NR2C1: variants seen among roughly 807,000 people sequenced by gnomAD.
NR2C1 encodes the protein TR2 nuclear hormone receptor.
A neutral mutation model predicts 74.8 loss-of-function variants in NR2C1; 33 were observed. That is an observed-to-expected ratio of 0.44 (90% CI 0.33 to 0.59). The LOEUF is 0.59. Among genes scored for constraint, NR2C1 ranks in the 20% least tolerant of loss-of-function variants. The pLI, the probability that NR2C1 is intolerant of heterozygous loss-of-function variation, is 0.02. For synonymous variants in NR2C1, 225 were observed against 240.6 expected, an observed-to-expected ratio of 0.94 and a Z score of 0.60; for missense variants, 568 against 715.6, an observed-to-expected ratio of 0.79 and a Z score of 2.35.
At position 95,060,010 on chromosome 12, in the gene NR2C1, A is replaced by G. The variant is rs75382855; in HGVS notation, c.286-26T>C. On this transcript the variant is annotated intron_variant, in intron 3 of 13. Coordinates refer to ENST00000333003, the MANE Select transcript of NR2C1 (RefSeq NM_003297.4). ...CTAAAAAAAAAAAAAAAAAAAAAGA[A>G]AACAAAAACGAAAACCTGTTGTTAC... 3.7e-3 allele frequency: 5,577 copies of G among 1,504,954 alleles called. 160 individuals are homozygous for G. In the African/African-American group the frequency reaches 0.066, roughly 18 times the overall value. The allele number at this position is 1,504,954 out of a possible 1,614,324, so 93.2% of individuals were successfully genotyped here.
At chr12:95,039,673 G>A (rs1183422373) in intron 10 of NR2C1, among the ~76,000 whole-genome samples, 1 of 152,230 alleles carries the variant, frequency 6.6e-6, no homozygotes, top group African/African-American at 2.4e-5. Context: ...TCCGTCCCAG[G>A]CCGGAGTGCA....
intron 9 of NR2C1, among the ~76,000 whole-genome samples, chr12:95,044,659 G>A (rs577203053): frequency 1.3e-5 from 2 of 152,216 alleles, no homozygotes; most frequent in African/African-American, 4.8e-5. Context: ...GCCGAGGTGG[G>A]CGGATCATTG....
chr12:95,038,714 C>T (rs550293889), intron 10 of NR2C1, among the ~76,000 whole-genome samples: 2 of 152,296 alleles, frequency 1.3e-5, no homozygotes, highest in South Asian at 2.1e-4. Flanking sequence ...GCCGAGATCA[C>T]GCTACTGCAA....
intron 12 of NR2C1, among the ~76,000 whole-genome samples, chr12:95,027,474 C>G (rs1296873196): frequency 2.0e-5 from 3 of 152,170 alleles, no homozygotes; most frequent in Non-Finnish European, 4.4e-5. Context: ...GGGTGGTTCA[C>G]TCCTGTAATC....
intron 9 of NR2C1, among the ~76,000 whole-genome samples, chr12:95,046,076 G>A (rs868036674): frequency 1.3e-5 from 2 of 152,138 alleles, no homozygotes; most frequent in Non-Finnish European, 2.9e-5. Flanking sequence ...CTGACCTCAG[G>A]TGATCTGCCT....
At chr12:95,040,648 A>C in intron 9 of NR2C1, 51 bp from the exon 10 acceptor site, 1 of 1,526,446 alleles carries the variant, frequency 6.6e-7, no homozygotes. Context: ...AAAAGTTCTA[A>C]ATTATCATTT....
In NR2C1 at chr12:95,044,615, T is replaced by C. The variant is rs566962840; in HGVS notation, c.1132-4018A>G. On this transcript the variant is annotated intron_variant, in intron 9 of 13. Transcript: ENST00000333003. ...AAAATCACTGGATGGCCGGGTGTGA[T>C]GGCTCACGCTTATAATCCCAGCACT... 4.6e-5 allele frequency among the ~76,000 whole-genome samples: 7 copies of C among 152,260 alleles called. No homozygotes were observed. In the East Asian group the frequency reaches 1.4e-3, roughly 29 times the overall value.
At chr12:95,068,678 C>T (rs1876105835) in intron 1 of NR2C1, among the ~76,000 whole-genome samples, 1 of 152,016 alleles carries the variant, frequency 6.6e-6, no homozygotes, top group African/African-American at 2.4e-5. Context: ...CCTGTAATCC[C>T]AGCTACTCAG....
intron 13 of NR2C1, 131 bp from the exon 14 acceptor site, chr12:95,022,534 A>T: frequency 1.3e-6 from 1 of 775,962 alleles, no homozygotes; most frequent in Non-Finnish European, 2.1e-6. Flanking sequence ...TAAAATCAAA[A>T]CTTTAGTATT....
intron 9 of NR2C1, among the ~76,000 whole-genome samples, chr12:95,041,486 C>T (rs776350528): frequency 6.6e-6 from 1 of 151,130 alleles, no homozygotes; most frequent in African/African-American, 2.4e-5. Flanking sequence ...CATCTCAAAA[C>T]AAAACAAAAC....
chr12:95,054,377 A>C (rs1331982892), intron 7 of NR2C1, among the ~76,000 whole-genome samples: 1 of 151,654 alleles, frequency 6.6e-6, no homozygotes, highest in Non-Finnish European at 1.5e-5. Context: ...CCAGGATCAT[A>C]GCTCACTGCA....
intron 7 of NR2C1, among the ~76,000 whole-genome samples, chr12:95,054,880 T>C (rs1288824838): frequency 1.3e-5 from 2 of 152,152 alleles, no homozygotes; most frequent in East Asian, 3.9e-4. Flanking sequence ...GTCTCTAGTT[T>C]TCCTAGGCAG....
chr12:95,073,080 G>A (rs1876966652), intron 1 of NR2C1: 1 of 152,272 alleles, frequency 6.6e-6, no homozygotes, highest in South Asian at 2.1e-4. Context: ...GAGGCGCTGC[G>A]GTAAGCGCAG....
intron 1 of NR2C1, among the ~76,000 whole-genome samples, chr12:95,072,291 C>CAA (rs745723630): frequency 8.0e-6 from 1 of 125,368 alleles, no homozygotes; most frequent in Non-Finnish European, 1.8e-5. Context: ...AAAACAAAAA[C>CAA]AAAAACAAAA....
intron 2 of NR2C1, among the ~76,000 whole-genome samples, chr12:95,064,507 ATTAT>A (rs982975503): frequency 1.1e-4 from 16 of 152,182 alleles, no homozygotes; most frequent in African/African-American, 3.9e-4. Context: ...TTATTTATAT[ATTAT>A]TTATTTATTT....
At chr12:95,049,267 C>A in intron 8 of NR2C1, 34 bp from the exon 9 acceptor site, 1 of 1,574,416 alleles carries the variant, frequency 6.4e-7, no homozygotes, top group Non-Finnish European at 8.7e-7. Context: ...TGAGCTTGAC[C>A]AAACACCGCA....
At chr12:95,024,954 T>TA (rs1321040084) in intron 13 of NR2C1, among the ~76,000 whole-genome samples, 196 bp downstream of exon 13, 1 of 152,218 alleles carries the variant, frequency 6.6e-6, no homozygotes, top group African/African-American at 2.4e-5. Flanking sequence ...TCTCCTCTTA[T>TA]AAAAAATATA....
At chr12:95,043,488 A>G (rs898457000) in intron 9 of NR2C1, among the ~76,000 whole-genome samples, 3 of 152,092 alleles carry the variant, frequency 2.0e-5, no homozygotes, top group Non-Finnish European at 2.9e-5. Context: ...CAGGAGTTCA[A>G]GACCAGCCTG....
intron 7 of NR2C1, among the ~76,000 whole-genome samples, chr12:95,054,792 G>A (rs539066527): frequency 2.0e-5 from 3 of 152,170 alleles, no homozygotes; most frequent in African/African-American, 4.8e-5. Flanking sequence ...ATTCTTAGGT[G>A]TTTCTCGCAG....
Sources: allele counts gnomAD v4.1 joint callset (sites outside exome capture counted in the v4.1 genomes callset), GRCh38; gene constraint gnomAD v4.1.1; transcripts MANE v1.5; gene names NCBI Gene and HGNC (gene_info 2026-07-23, HGNC 2026-07-21).